Variants in ATP6V0E2 observed in about 807,000 individuals in gnomAD.
ATP6V0E2 encodes the protein V-type proton ATPase subunit e 2.
Under a neutral mutation model 11.5 loss-of-function variants are expected in ATP6V0E2, and 4 were observed. The observed-to-expected ratio is 0.35, with a 90% CI of 0.17 to 0.80. ATP6V0E2 has a LOEUF of 0.80. ATP6V0E2 is among the 30% of genes least tolerant of loss of function. The probability of loss-of-function intolerance (pLI) is 0.53; values close to 1 mark genes in which losing one functional copy is unlikely to be tolerated. For synonymous variants in ATP6V0E2, 52 were observed against 51.0 expected (o/e 1.02, Z -0.09); for missense variants, 93 against 113.5 (o/e 0.82, Z 0.82).
intron 2 of ATP6V0E2, among the ~76,000 whole-genome samples, chr7:149,877,542 A>G (rs529028712): frequency 5.4e-4 from 81 of 149,034 alleles, no homozygotes; most frequent in African/African-American, 1.9e-3. Context: ...GACTATTAAC[A>G]CATGGTTTAA....
At chr7:149,877,620 C>T (rs1010353079) in intron 2 of ATP6V0E2, among the ~76,000 whole-genome samples, 1 of 139,666 alleles carries the variant, frequency 7.2e-6, no homozygotes, top group Non-Finnish European at 1.5e-5. Context: ...GGTCCTTTCT[C>T]TAATGCTATT....
intron 2 of ATP6V0E2, among the ~76,000 whole-genome samples, chr7:149,877,307 A>G (rs533092685): frequency 1.4e-3 from 217 of 152,252 alleles, no homozygotes; most frequent in African/African-American, 5.2e-3. Context: ...CTCCCACCTC[A>G]GCCTAGCTTT....
chr7:149,873,612 G>A (rs1441339454), upstream of ATP6V0E2: 1 of 292,630 alleles, frequency 3.4e-6, no homozygotes, highest in Non-Finnish European at 6.3e-6. Context: ...TCAGGTTCGG[G>A]GCGGCCCAGG....
Position 149,878,779 on chromosome 7 carries a change from C to T in ATP6V0E2, c.*8C>T. ...CGCTTCCTGTGGGAGTGACCCGCCG[C>T]CCCCGACCCAGGTACTGTGTGGGCG... is the stretch of plus-strand genomic sequence containing the variant. On this transcript the variant is annotated 3_prime_UTR_variant, in exon 3 of 4. Coordinates refer to ENST00000425642, the MANE Select transcript of ATP6V0E2 (RefSeq NM_145230.4). 6.2e-7 allele frequency: 1 copy of T among 1,612,722 alleles called. No individual in the cohort carries two copies.
At chr7:149,875,220 C>G (rs895779731) in intron 1 of ATP6V0E2, among the ~76,000 whole-genome samples, 4 of 152,216 alleles carry the variant, frequency 2.6e-5, no homozygotes, top group Non-Finnish European at 5.9e-5. Context: ...TTTCCTTCCC[C>G]TTGCTCCATG....
intron 3 of ATP6V0E2, chr7:149,879,062 G>A: frequency 7.4e-7 from 1 of 1,351,312 alleles, no homozygotes; most frequent in Non-Finnish European, 9.7e-7. Context: ...AAGAAAAGGT[G>A]GGGAGGGGAC....
At chr7:149,879,047 A>G in intron 3 of ATP6V0E2, 1 of 1,354,060 alleles carries the variant, frequency 7.4e-7, no homozygotes, top group Non-Finnish European at 9.7e-7. Context: ...TATTTATTTC[A>G]TGAAAAGAAA....
chr7:149,873,224 C>T (rs6957652), upstream of ATP6V0E2: 2,617 of 152,354 alleles, frequency 0.017, 66 homozygotes, highest in African/African-American at 0.059. Context: ...TTAAACAAAC[C>T]TTAACTACTG....
Position 149,879,536 on chromosome 7 carries a change from C to T in ATP6V0E2, c.*221C>T, listed in dbSNP as rs373028141. 76 of 1,561,798 alleles carry T rather than the reference C, an allele frequency of 4.9e-5. No individual in the cohort carries two copies. In the African/African-American group the frequency reaches 7.2e-4, roughly 15 times the overall value. ...CCCTGGGGAGCCCTGGGCACAGCAG[C>T]GGCCGAGGGGATGTCCTGCTCCAAT... is the stretch of plus-strand genomic sequence containing the variant. On this transcript the variant is annotated 3_prime_UTR_variant, in exon 4 of 4. Transcript: ENST00000425642.
chr7:149,874,541 G>T, intron 1 of ATP6V0E2: 1 of 214,242 alleles, frequency 4.7e-6, no homozygotes, highest in Non-Finnish European at 9.3e-6. Context: ...AGATAATGTC[G>T]ACTCCTGCCT....
In ATP6V0E2 at chr7:149,879,395, C is replaced by G. The variant is rs1261282831; in HGVS notation, c.*80C>G. On this transcript the variant is annotated 3_prime_UTR_variant, in exon 4 of 4. Transcript: ENST00000425642. ...CCCTGACAACCCCTTCGTCCGGACCCTCCCCCACACAACTATGTCTGGTCA... is the reference window on the plus strand; with the variant it reads ...CCCTGACAACCCCTTCGTCCGGACCGTCCCCCACACAACTATGTCTGGTCA... 9.4e-6 allele frequency: 15 copies of G among 1,599,382 alleles called. No individual in the cohort carries two copies. Among genetic ancestry groups the G allele is most frequent in the Non-Finnish European group, 1.3e-5 (15 of 1,173,080 alleles).
At chr7:149,877,672 A>G (rs1803224321) in intron 2 of ATP6V0E2, among the ~76,000 whole-genome samples, 1 of 149,656 alleles carries the variant, frequency 6.7e-6, no homozygotes, top group Non-Finnish European at 1.5e-5. Flanking sequence ...TCATCTGCCC[A>G]TGGCAGGGCC....
chr7:149,879,702 G>T lies in ATP6V0E2; in HGVS notation c.*387G>T. The T allele has an allele frequency of 7.3e-7, 1 of 1,379,094 alleles. No homozygotes were observed. Among genetic ancestry groups the T allele is most frequent in the East Asian group, 2.8e-5 (1 of 35,546 alleles). 85.4% of individuals were successfully genotyped at this position (1,379,094 alleles called of 1,614,324 possible). A position where few individuals can be genotyped will look rare whatever the true frequency, so the allele number is the denominator to read the frequency against. The stretch of plus-strand genomic sequence containing the variant: ...AGGAGGACACGTGTCCTCATGGAGA[G>T]GGTGCTCCGGCCCAGGCGGGGGAGT... On this transcript the variant is annotated 3_prime_UTR_variant, in exon 4 of 4. Coordinates refer to ENST00000425642, the MANE Select transcript of ATP6V0E2 (RefSeq NM_145230.4).
Position 149,873,991 on chromosome 7 carries a change from C to A in ATP6V0E2, c.-75C>A. On this transcript the variant is annotated 5_prime_UTR_variant, in exon 1 of 4. Coordinates refer to ENST00000425642, the MANE Select transcript of ATP6V0E2 (RefSeq NM_145230.4). ...CCTGTTGCGCATGCTCAGCGCGCTG[C>A]CCGGCTGGGGACCCGCGCACCTGCA... 1 of 1,544,890 alleles carries A rather than the reference C, an allele frequency of 6.5e-7. No individual in the cohort carries two copies. The highest frequency in any genetic ancestry group is 8.7e-7 in the Non-Finnish European group (1 of 1,145,634).
chr7:149,873,764 G>A (rs1802957398), upstream of ATP6V0E2: 3 of 1,020,634 alleles, frequency 2.9e-6, no homozygotes, highest in Non-Finnish European at 4.0e-6. Context: ...CTGTGCGGGC[G>A]CGGGGCTGAC....
chr7:149,873,899 G>A (rs1802966335), upstream of ATP6V0E2: 2 of 1,498,692 alleles, frequency 1.3e-6, no homozygotes, highest in African/African-American at 2.8e-5. Flanking sequence ...GAGTGACAGC[G>A]CGGCGGGCTG....
intron 2 of ATP6V0E2, among the ~76,000 whole-genome samples, chr7:149,877,571 T>C (rs1179881701): frequency 6.6e-6 from 1 of 151,918 alleles, no homozygotes; most frequent in African/African-American, 2.4e-5. Flanking sequence ...CACTTTTTTT[T>C]TTTTTTTCAA....
chr7:149,877,142 A>T (rs548332821), intron 2 of ATP6V0E2, among the ~76,000 whole-genome samples: 10 of 152,294 alleles, frequency 6.6e-5, no homozygotes, highest in African/African-American at 2.4e-4. Context: ...CTTCTGCCTC[A>T]GCCTCCCCAA....
At position 149,880,284 on chromosome 7, in the gene ATP6V0E2, G is replaced by A; in HGVS notation, c.*969G>A. On this transcript the variant is annotated 3_prime_UTR_variant, in exon 4 of 4. Transcript: ENST00000425642. ...CGTGCCAGCCTGGCAGGAGTGGGAA[G>A]CAACACGCAGGGGTCCCGGACCTCT... 1 of 153,094 alleles carries A rather than the reference G, an allele frequency of 6.5e-6. No homozygotes were observed. The allele number at this position is 153,094 out of a possible 1,614,324, so 9.5% of individuals were successfully genotyped here.
Sources: allele counts gnomAD v4.1 joint callset (sites outside exome capture counted in the v4.1 genomes callset), GRCh38; gene constraint gnomAD v4.1.1; transcripts MANE v1.5; gene names NCBI Gene and HGNC (gene_info 2026-07-23, HGNC 2026-07-21).